VPS13A: variants seen among roughly 807,000 people sequenced by gnomAD.
VPS13A encodes intermembrane lipid transfer protein VPS13A.
Under a neutral mutation model 390.9 loss-of-function variants are expected in VPS13A, and 264 were observed. That is an observed-to-expected ratio of 0.68 (90% CI 0.61 to 0.75). VPS13A has a LOEUF of 0.75. Among genes scored for constraint, VPS13A ranks in the 30% least tolerant of loss-of-function variants. The pLI is 0.00. For missense variants in VPS13A, 3,409 were observed against 3,733.9 expected, an observed-to-expected ratio of 0.91 and a Z score of 2.27; for synonymous variants, 1,231 against 1,227.1, an observed-to-expected ratio of 1.00 and a Z score of -0.07.
At chr9:77,330,515 C>T (rs1181158623) in intron 45 of VPS13A, among the ~76,000 whole-genome samples, 3 of 152,156 alleles carry the variant, frequency 2.0e-5, no homozygotes, top group Non-Finnish European at 4.4e-5. Context: ...TAACTAACTT[C>T]ACATTCCAAA....
At position 77,373,552 on chromosome 9, in the gene VPS13A, T is replaced by A. The variant is rs1372870867; in HGVS notation, c.9077+2403T>A. On this transcript the variant is annotated intron_variant, in intron 67 of 71. Transcript: ENST00000360280. Reference sequence around the variant, plus strand: ...AAAACCCTAGAAGAAAACCTAGGCATTACCATTCAGGACATAGGCATGGGC... The same window carrying A: ...AAAACCCTAGAAGAAAACCTAGGCAATACCATTCAGGACATAGGCATGGGC... Among the ~76,000 whole-genome samples, 39 of 142,592 alleles carry A rather than the reference T, an allele frequency of 2.7e-4. 1 individual carries two copies. Among genetic ancestry groups the A allele is most frequent in the Non-Finnish European group, 1.1e-4 (7 of 65,262 alleles). The allele number at this position is 142,592 out of a possible 152,430, so 93.5% of individuals were successfully genotyped here.
chr9:77,414,689 T>G (rs1422227566), intron 71 of VPS13A, among the ~76,000 whole-genome samples: 2 of 151,632 alleles, frequency 1.3e-5, no homozygotes, highest in Non-Finnish European at 2.9e-5. Context: ...TATATACATA[T>G]GTAACTAACC....
intron 53 of VPS13A, among the ~76,000 whole-genome samples, chr9:77,352,317 T>C (rs1018216486): frequency 2.0e-5 from 3 of 152,102 alleles, no homozygotes; most frequent in Non-Finnish European, 4.4e-5. Flanking sequence ...TTAATTTGAC[T>C]CCTGATGTTT....
intron 19 of VPS13A, among the ~76,000 whole-genome samples, chr9:77,245,504 G>C (rs1238939671): frequency 6.6e-6 from 1 of 152,154 alleles, no homozygotes; most frequent in Non-Finnish European, 1.5e-5. Flanking sequence ...TTAAGTTTCA[G>C]GCTAATTGGA....
chr9:77,411,685 A>G (rs1256166234), intron 71 of VPS13A, among the ~76,000 whole-genome samples: 1 of 144,682 alleles, frequency 6.9e-6, no homozygotes, highest in Non-Finnish European at 1.5e-5. Context: ...AAAAAAAAAA[A>G]GGAACTAGAG....
chr9:77,257,670 G>T (rs1020939672), intron 22 of VPS13A, among the ~76,000 whole-genome samples: 1 of 152,108 alleles, frequency 6.6e-6, no homozygotes. Flanking sequence ...GGAAGTTAAG[G>T]TGGGAGGATA....
chr9:77,380,398 C>T (rs1212341015), intron 67 of VPS13A, among the ~76,000 whole-genome samples: 1 of 152,050 alleles, frequency 6.6e-6, no homozygotes, highest in Non-Finnish European at 1.5e-5. Context: ...CTGCAACCTC[C>T]ACCTCCCAGG....
At chr9:77,329,445 A>G (rs1449296968) in intron 45 of VPS13A, among the ~76,000 whole-genome samples, 1 of 152,212 alleles carries the variant, frequency 6.6e-6, no homozygotes, top group Non-Finnish European at 1.5e-5. Flanking sequence ...TTTATTTGAA[A>G]GAGGCCATTG....
At chr9:77,252,121 T>C in intron 21 of VPS13A, 114 bp from the exon 22 acceptor site, 1 of 846,678 alleles carries the variant, frequency 1.2e-6, no homozygotes, top group South Asian at 1.4e-5. Flanking sequence ...TAAGATTACC[T>C]AGATGTGGGG....
At position 77,418,871 on chromosome 9, in the gene VPS13A, ACT is replaced by A. The variant is rs372497285; in HGVS notation, c.*2870_*2871del. 4 of 152,128 alleles carry A rather than the reference ACT, an allele frequency of 2.6e-5. No individual in the cohort carries two copies. The highest frequency in any genetic ancestry group is 6.5e-5 in the Admixed American group (1 of 15,276). The allele number at this position is 152,128 out of a possible 1,614,324, so 9.4% of individuals were successfully genotyped here. A position where few individuals can be genotyped will look rare whatever the true frequency, so the allele number is the denominator to read the frequency against. On this transcript the variant is annotated 3_prime_UTR_variant, in exon 72 of 72. Coordinates refer to ENST00000360280, the MANE Select transcript of VPS13A (RefSeq NM_033305.3). ...ACATCCCACATAGTAGCATCGTATT[ACT>A]CTCTGGTAAAAAGAAAGATTAAATT...
chr9:77,204,381 T>C (rs78984746), intron 3 of VPS13A, among the ~76,000 whole-genome samples: 1,880 of 152,224 alleles, frequency 0.012, 37 homozygotes, highest in African/African-American at 0.043. Context: ...CAAGAACCCT[T>C]ACGCTTAAAA....
chr9:77,399,192 AAAAAAAAAAAAAACAAAG>A (rs1834262765), intron 68 of VPS13A, among the ~76,000 whole-genome samples: 1 of 141,774 alleles, frequency 7.1e-6, no homozygotes, highest in Non-Finnish European at 1.5e-5. Context: ...AAAAAAAAAA[AAAAAAAAAAAAAACAAAG>A]GATACGGTTG....
At chr9:77,247,673 T>A (rs1178463888) in intron 20 of VPS13A, among the ~76,000 whole-genome samples, 1 of 152,130 alleles carries the variant, frequency 6.6e-6, no homozygotes, top group Non-Finnish European at 1.5e-5. Context: ...ATTGACTGAT[T>A]GATTTGAGAC....
At chr9:77,292,258 TA>T (rs1214366507) in intron 31 of VPS13A, among the ~76,000 whole-genome samples, 3 of 152,184 alleles carry the variant, frequency 2.0e-5, no homozygotes, top group African/African-American at 7.2e-5. Context: ...AGTCCACACT[TA>T]TCCTTTATCA....
chr9:77,303,004 G>A lies in VPS13A; in HGVS notation c.3902G>A (p.Trp1301Ter), dbSNP rs1251266831. 2 of 1,614,026 alleles carry A rather than the reference G, an allele frequency of 1.2e-6. No homozygotes were observed. Among genetic ancestry groups the A allele is most frequent in the Non-Finnish European group, 1.7e-6 (2 of 1,179,976 alleles). ...GTTGTGGTTGAACGAAATTTATGCT[G>A]GGAGTGGTACCAGGAAGTTCCTTGT... ...LEVVVERNLC[W>*]EWYQEVPCFN... The change falls in exon 34 of 72, where the codon TGG (tryptophan) becomes TAG (stop). Residue 1301 changes from tryptophan to a stop codon, truncating the protein, a stop_gained. Transcript: ENST00000360280. LOFTEE classifies it high-confidence loss of function.
intron 58 of VPS13A, among the ~76,000 whole-genome samples, chr9:77,359,666 A>G (rs966350649): frequency 6.6e-6 from 1 of 152,032 alleles, no homozygotes; most frequent in African/African-American, 2.4e-5. Flanking sequence ...AAAAATACAA[A>G]AATTAGCCAG....
intron 68 of VPS13A, among the ~76,000 whole-genome samples, chr9:77,385,618 C>T (rs1347863526): frequency 6.6e-6 from 1 of 151,888 alleles, no homozygotes; most frequent in Non-Finnish European, 1.5e-5. Flanking sequence ...ATGAAACTGT[C>T]CTATTTCTCT....
At chr9:77,350,460 TA>T (rs139986594) in intron 52 of VPS13A, among the ~76,000 whole-genome samples, 417 of 152,304 alleles carry the variant, frequency 2.7e-3, no homozygotes, top group African/African-American at 9.7e-3. Flanking sequence ...AAGTCTGAGT[TA>T]TTTTTTTAGT....
In VPS13A at chr9:77,370,314, C is replaced by A; in HGVS notation, c.8725C>A (p.Leu2909Ile). The A allele has an allele frequency of 6.2e-7, 1 of 1,614,146 alleles. No individual in the cohort carries two copies. Among genetic ancestry groups the A allele is most frequent in the Non-Finnish European group, 8.5e-7 (1 of 1,180,020 alleles). The change falls in exon 64 of 72, where the codon CTA (leucine) becomes ATA (isoleucine). Residue 2909 changes from leucine (L) to isoleucine (I), a missense_variant. Leu to Ile is a conservative substitution (Grantham distance 5, BLOSUM62 2). Coordinates refer to ENST00000360280, the MANE Select transcript of VPS13A (RefSeq NM_033305.3). ...AGGAATGGCACTAGGACTTAAGGCACTAGTTGGTGGAGCTGTTGGTAAGAA... is the reference window on the plus strand; with the variant it reads ...AGGAATGGCACTAGGACTTAAGGCAATAGTTGGTGGAGCTGTTGGTAAGAA... The part of the protein sequence containing the change: ...VEGMALGLKA[L>I]VGGAVGGLAG...
Sources: gnomAD v4.1 joint callset for allele counts (sites outside exome capture counted in the v4.1 genomes callset) on GRCh38, gnomAD v4.1.1 for gene constraint, MANE v1.5 for transcripts, NCBI Gene and HGNC (gene_info 2026-07-23, HGNC 2026-07-21) for gene names.